ANKIB1: variants seen among roughly 807,000 people sequenced by gnomAD.
The protein encoded by ANKIB1 is ankyrin repeat and IBR domain containing 1, also known as ankyrin repeat and IBR domain-containing protein 1.
A neutral mutation model predicts 122.1 loss-of-function variants in ANKIB1; 43 were observed. The ratio of observed to expected loss-of-function variants is 0.35; its 90% CI spans 0.28 to 0.45. The LOEUF is 0.45. ANKIB1 is among the 20% of genes least tolerant of loss of function. ANKIB1 has a pLI of 1.00. For synonymous variants in ANKIB1, 390 were observed against 442.0 expected (o/e 0.88, Z 1.48); for missense variants, 992 against 1,329.5 (o/e 0.75, Z 3.95).
Position 92,319,511 on chromosome 7 carries a change from A to G in ANKIB1, c.668A>G (p.Glu223Gly). 1 of 1,595,886 alleles carries G rather than the reference A, an allele frequency of 6.3e-7. No homozygotes were observed. Among genetic ancestry groups the G allele is most frequent in the Non-Finnish European group, 8.5e-7 (1 of 1,175,710 alleles). ...GAATATGCTGCATTAGACAAACGAG[A>G]GGTCAGTTTATTTTTTCTTCTCAGT... ...EAEYAALDKR[E>G]PYEGLRPQDL... The change falls in exon 4 of 20, where the codon GAG becomes GGG. Residue 223 changes from glutamate to glycine, a missense_variant and splice_region_variant. Around this residue, in one of 4 missense-constraint regions of ANKIB1, gnomAD observed 521 missense variants for 777.7 expected, o/e 0.67. Coordinates refer to ENST00000265742, the MANE Select transcript of ANKIB1 (RefSeq NM_019004.2).
At chr7:92,256,155 A>C (rs1801440589) in intron 1 of ANKIB1, among the ~76,000 whole-genome samples, 1 of 152,072 alleles carries the variant, frequency 6.6e-6, no homozygotes, top group Non-Finnish European at 1.5e-5. Flanking sequence ...TTTCAGGAGG[A>C]ATTGGTAGGG....
At chr7:92,248,336 T>C (rs1363229731) in intron 1 of ANKIB1, among the ~76,000 whole-genome samples, 1 of 152,076 alleles carries the variant, frequency 6.6e-6, no homozygotes. Context: ...TCCTGAAACA[T>C]GGGAGGGAAG....
intron 5 of ANKIB1, among the ~76,000 whole-genome samples, chr7:92,333,695 C>G (rs944667303): frequency 1.3e-5 from 2 of 152,080 alleles, no homozygotes; most frequent in African/African-American, 4.8e-5. Flanking sequence ...TGCCCGCTAC[C>G]TGACATAGTG....
intron 1 of ANKIB1, among the ~76,000 whole-genome samples, chr7:92,274,868 A>T (rs1290076797): frequency 6.6e-6 from 1 of 152,190 alleles, no homozygotes; most frequent in Admixed American, 6.5e-5. Flanking sequence ...TGAAGACTGC[A>T]GTGAGCTGTG....
intron 11 of ANKIB1, among the ~76,000 whole-genome samples, chr7:92,381,131 A>C (rs1463752160): frequency 1.3e-5 from 2 of 152,018 alleles, no homozygotes; most frequent in African/African-American, 4.8e-5. Context: ...AAGTGGAAGA[A>C]AAGGTATCAG....
intron 4 of ANKIB1, among the ~76,000 whole-genome samples, chr7:92,324,245 A>G (rs1802975581): frequency 1.3e-5 from 2 of 152,114 alleles, no homozygotes; most frequent in South Asian, 4.1e-4. Flanking sequence ...TTTTAAAATT[A>G]TTTTTTGAGA....
chr7:92,246,626 G>T (rs1365041491), intron 1 of ANKIB1, 107 bp downstream of exon 1: 1 of 458,556 alleles, frequency 2.2e-6, no homozygotes, highest in Non-Finnish European at 4.4e-6. Context: ...TACTAGGAGT[G>T]TGTCTGTCGC....
In ANKIB1 at chr7:92,307,630, G is replaced by T. The variant is rs748508968; in HGVS notation, c.460G>T (p.Ala154Ser). ...KKNTPLHYAAASGMKACVELL... is the reference protein window; with the variant it reads ...KKNTPLHYAASSGMKACVELL... ...AAACACACCCTTGCACTATGCTGCT[G>T]CCTCAGGGATGAAAGCCTGTGTAGA... The change falls in exon 3 of 20, where the codon GCC becomes TCC. Residue 154 changes from alanine to serine, a missense_variant. Physicochemically the swap from Ala to Ser is moderately conservative, Grantham distance 99. Around this residue, in one of 4 missense-constraint regions of ANKIB1, gnomAD observed 521 missense variants for 777.7 expected, o/e 0.67. Coordinates refer to ENST00000265742, the MANE Select transcript of ANKIB1 (RefSeq NM_019004.2). 1 of 1,604,826 alleles carries T rather than the reference G, an allele frequency of 6.2e-7. No homozygotes were observed. The highest frequency in any genetic ancestry group is 8.5e-7 in the Non-Finnish European group (1 of 1,176,170).
Position 92,390,553 on chromosome 7 carries a change from A to G in ANKIB1, c.2052+437A>G, listed in dbSNP as rs115868470. Among the ~76,000 whole-genome samples, 1,470 of 152,320 alleles carry G rather than the reference A, an allele frequency of 9.7e-3. 32 individuals are homozygous for G. The highest frequency in any genetic ancestry group is 0.034 in the African/African-American group (1,401 of 41,576). On this transcript the variant is annotated intron_variant, in intron 15 of 19. Coordinates refer to ENST00000265742, the MANE Select transcript of ANKIB1 (RefSeq NM_019004.2). ...TTAAAAAACAAAAACACCTAAGCCAATTGGCATCACTATAGCCAAATAACT... is the reference window on the plus strand; with the variant it reads ...TTAAAAAACAAAAACACCTAAGCCAGTTGGCATCACTATAGCCAAATAACT...
At chr7:92,268,205 T>G (rs1801713754) in intron 1 of ANKIB1, among the ~76,000 whole-genome samples, 1 of 152,202 alleles carries the variant, frequency 6.6e-6, no homozygotes. Context: ...CTTTCTCCAT[T>G]GAGTTAACTT....
chr7:92,254,600 C>T (rs1417634340), intron 1 of ANKIB1, among the ~76,000 whole-genome samples: 65 of 152,146 alleles, frequency 4.3e-4, no homozygotes, highest in Admixed American at 4.3e-3. Context: ...AGCCATCTTT[C>T]AATATATTTG....
intron 11 of ANKIB1, among the ~76,000 whole-genome samples, chr7:92,383,410 A>T (rs1804563109): frequency 1.3e-5 from 2 of 152,242 alleles, no homozygotes; most frequent in African/African-American, 4.8e-5. Context: ...CAGCATCCTC[A>T]TACCAAAGCC....
Position 92,295,087 on chromosome 7 carries a change from A to G in ANKIB1, c.109A>G (p.Asn37Asp). 1 of 1,588,574 alleles carries G rather than the reference A, an allele frequency of 6.3e-7. No homozygotes were observed. Among genetic ancestry groups the G allele is most frequent in the Non-Finnish European group, 8.6e-7 (1 of 1,166,676 alleles). Residue 37 changes from asparagine (N) to aspartate (D), a missense_variant, in exon 2 of 20, where the codon AAT becomes GAT. Physicochemically the swap from Asn to Asp is conservative, Grantham distance 23 (BLOSUM62 1). Transcript: ENST00000265742. ...TCAGCTAAAAGAATCTCTTGATCCAAATACATCTTATGGGGAGCCCTACCA... is the reference window on the plus strand; with the variant it reads ...TCAGCTAAAAGAATCTCTTGATCCAGATACATCTTATGGGGAGCCCTACCA... ...NPQLKESLDPNTSYGEPYQHN... is the reference protein window; with the variant it reads ...NPQLKESLDPDTSYGEPYQHN...
chr7:92,308,145 C>T (rs1037436181), intron 3 of ANKIB1, among the ~76,000 whole-genome samples: 1 of 152,094 alleles, frequency 6.6e-6, no homozygotes, highest in African/African-American at 2.4e-5. Flanking sequence ...GCTGGGATTA[C>T]AGGCGGGAGT....
chr7:92,269,342 T>C (rs1801736694), intron 1 of ANKIB1, among the ~76,000 whole-genome samples: 1 of 152,176 alleles, frequency 6.6e-6, no homozygotes, highest in Non-Finnish European at 1.5e-5. Context: ...ATCTTTCACT[T>C]AAATTAGAAA....
At chr7:92,272,865 A>AT (rs1300277890) in intron 1 of ANKIB1, among the ~76,000 whole-genome samples, 2 of 152,196 alleles carry the variant, frequency 1.3e-5, no homozygotes, top group Non-Finnish European at 2.9e-5. Context: ...CCCAGGTTAT[A>AT]TGTAAAAGCC....
intron 7 of ANKIB1, among the ~76,000 whole-genome samples, chr7:92,347,231 A>G (rs1298334314): frequency 1.3e-5 from 2 of 152,216 alleles, no homozygotes; most frequent in East Asian, 3.9e-4. Flanking sequence ...ACAGCTTTGA[A>G]TGTGGCCCAA....
intron 4 of ANKIB1, 93 bp downstream of exon 4, chr7:92,319,605 T>A (rs1018187376): frequency 3.5e-5 from 44 of 1,261,420 alleles, no homozygotes; most frequent in Non-Finnish European, 4.9e-5. Flanking sequence ...TCAGTTTGTG[T>A]GTTCTTCTTT....
At chr7:92,256,364 T>G (rs1439195628) in intron 1 of ANKIB1, among the ~76,000 whole-genome samples, 2 of 152,128 alleles carry the variant, frequency 1.3e-5, no homozygotes, top group African/African-American at 4.8e-5. Context: ...GTAGAGAAAA[T>G]TCAGTTGGGG....
Sources: allele counts gnomAD v4.1 joint callset (sites outside exome capture counted in the v4.1 genomes callset), GRCh38; gene constraint gnomAD v4.1.1; regional missense constraint gnomAD v4.1.1; transcripts MANE v1.5; gene names NCBI Gene and HGNC (gene_info 2026-07-23, HGNC 2026-07-21).